Variants in RNF213 observed in about 807,000 individuals in gnomAD.
RNF213 encodes E3 ubiquitin-protein ligase RNF213.
In RNF213, 341 loss-of-function variants were observed where a neutral mutation model predicts 514.4. The observed-to-expected ratio is 0.66, with a 90% CI of 0.61 to 0.73. The LOEUF is 0.73. Among genes scored for constraint, RNF213 ranks in the 30% least tolerant of loss-of-function variants. RNF213 has a pLI of 0.00. For synonymous variants in RNF213, 2,655 were observed against 2,658.2 expected (o/e 1.00, Z 0.04); for missense variants, 5,767 against 6,615.6 (o/e 0.87, Z 4.45).
Position 80,374,557 on chromosome 17 carries a change from T to C in RNF213, c.13042T>C (p.Cys4348Arg). The change falls in exon 50 of 68, where the codon TGC (cysteine) becomes CGC (arginine). Residue 4348 changes from cysteine to arginine, a missense_variant. Physicochemically the swap from Cys to Arg is radical, Grantham distance 180. Around this residue, in one of 13 missense-constraint regions of RNF213, gnomAD observed 1,245 missense variants for 1,339.0 expected, o/e 0.93. Transcript: ENST00000582970. ...TGCTGTGGCCAAAGCTGTCCTCGAG[T>C]GCAAGCCACTGGGCATTAAGACTGC... ...RDAVAKAVLECKPLGIKTALK... is the reference protein window; with the variant it reads ...RDAVAKAVLERKPLGIKTALK... 1 of 1,614,144 alleles carries C rather than the reference T, an allele frequency of 6.2e-7. No individual in the cohort carries two copies. The highest frequency in any genetic ancestry group is 8.5e-7 in the Non-Finnish European group (1 of 1,180,032).
In RNF213 at chr17:80,345,751, C is replaced by A; in HGVS notation, c.7416C>A (p.Phe2472Leu). The A allele has an allele frequency of 6.2e-7, 1 of 1,614,210 alleles. No individual in the cohort carries two copies. Among genetic ancestry groups the A allele is most frequent in the Non-Finnish European group, 8.5e-7 (1 of 1,180,050 alleles). ...TCAGGGAGGCTGAAAATGTGGCCTT[C>A]GCCAATAAGGACCAACATCAGTTGG... is the stretch of plus-strand genomic sequence containing the variant. ...SRVREAENVA[F>L]ANKDQHQLDT... The change falls in exon 29 of 68, where the codon TTC (phenylalanine) becomes TTA (leucine). Residue 2472 changes from phenylalanine (F) to leucine (L), a missense_variant. By Grantham distance (22) the Phe-to-Leu change is conservative. This residue lies in a region of RNF213 where 1,377 missense variants were observed against 1,635.2 expected (regional missense o/e 0.84). Coordinates refer to ENST00000582970, the MANE Select transcript of RNF213 (RefSeq NM_001256071.3). This position sits in a 1 kb window ranked among gnomAD's most constrained non-coding sequence, Gnocchi z 6.0.
chr17:80,342,761 T>TTA lies in RNF213; in HGVS notation c.5990-359_5990-358dup, dbSNP rs1368850603. Among the ~76,000 whole-genome samples, 397 of 146,056 alleles carry TTA rather than the reference T, an allele frequency of 2.7e-3. 7 individuals carry two copies. The highest frequency in any genetic ancestry group is 0.022 in the Admixed American group (316 of 14,358). ...TATATATATTGTATGTATATATATA[T>TTA]TATATATATATATTTTTTGAGACAG... On this transcript the variant is annotated intron_variant, in intron 26 of 67. Transcript: ENST00000582970.
chr17:80,339,710 C>T lies in RNF213; in HGVS notation c.5343C>T (p.Ile1781=). The T allele has an allele frequency of 6.5e-7, 1 of 1,537,220 alleles. No homozygotes were observed. Among genetic ancestry groups the T allele is most frequent in the South Asian group, 1.2e-5 (1 of 84,054 alleles). The change falls in exon 26 of 68, where the codon ATC becomes ATT. Residue 1781 remains isoleucine (I), a synonymous_variant. Transcript: ENST00000582970. The stretch of plus-strand genomic sequence containing the variant: ...GCCTGGTGGACAAGCTGAGGATCAT[C>T]ATGGAGCAGTCCATGAGGTGCCTTC... ...EFSLVDKLRI[I]MEQSMRCLPA...
intron 17 of RNF213, chr17:80,319,942 C>T (rs2046083205): frequency 6.8e-6 from 7 of 1,030,592 alleles, no homozygotes; most frequent in Non-Finnish European, 5.8e-6. Flanking sequence ...CATTGAATTC[C>T]GGGGACCAAG....
chr17:80,374,926 A>G, intron 50 of RNF213: 1 of 345,746 alleles, frequency 2.9e-6, no homozygotes, highest in South Asian at 2.7e-5. Flanking sequence ...TGCTGACACA[A>G]CTATTAATAG....
chr17:80,290,471 A>G (rs959783326), intron 6 of RNF213, 99 bp from the exon 7 acceptor site: 164 of 1,419,684 alleles, frequency 1.2e-4, no homozygotes, highest in Non-Finnish European at 1.5e-4. Context: ...GTGTGTGTGC[A>G]CGTGTGTGTG....
chr17:80,265,827 T>C lies in RNF213; in HGVS notation c.97+2049T>C, dbSNP rs117302980. Reference sequence around the variant, plus strand: ...GTTCACACCTACAACCCCAGCATGTTTGCAGGCCAAGGTGGGAGGATCACT... The same window carrying C: ...GTTCACACCTACAACCCCAGCATGTCTGCAGGCCAAGGTGGGAGGATCACT... On this transcript the variant is annotated intron_variant, in intron 2 of 67. Transcript: ENST00000582970. 1.7e-4 allele frequency among the ~76,000 whole-genome samples: 26 copies of C among 152,242 alleles called. No individual in the cohort carries two copies. The East Asian group carries it at 4.8e-3, about 28-fold the overall frequency.
At position 80,319,267 on chromosome 17, in the gene RNF213, G is replaced by C; in HGVS notation, c.2979G>C (p.Lys993Asn). ...AAGGCTTAGAGGACAGTGTGGCCAA[G>C]ACCTTCGAGAAATGCATCATTGAAG... is the stretch of plus-strand genomic sequence containing the variant. ...DTKGLEDSVA[K>N]TFEKCIIEAV... The change falls in exon 17 of 68, where the codon AAG (lysine) becomes AAC (asparagine). Residue 993 changes from lysine to asparagine, a missense_variant. Coordinates refer to ENST00000582970, the MANE Select transcript of RNF213 (RefSeq NM_001256071.3). The C allele has an allele frequency of 5.0e-6, 8 of 1,614,186 alleles. No homozygotes were observed. Among genetic ancestry groups the C allele is most frequent in the Non-Finnish European group, 6.8e-6 (8 of 1,180,044 alleles).
In RNF213 at chr17:80,347,638, GC is replaced by G. The variant is rs2078357033; in HGVS notation, c.9304del (p.Leu3102PhefsTer47). On this transcript the variant is annotated frameshift_variant, in exon 29 of 68. Coordinates refer to ENST00000582970, the MANE Select transcript of RNF213 (RefSeq NM_001256071.3). LOFTEE classifies it high-confidence loss of function. The surrounding 1 kb of genome is among the most constrained non-coding windows in gnomAD (Gnocchi z 7.2). ...ICMETGKMVL[L>X]LNLQNLYESL... Reference sequence around the variant, plus strand: ...GCATGGAAACAGGCAAGATGGTGTTGCTTCTCAACCTGCAGAACCTCTACGA... The same window carrying G: ...GCATGGAAACAGGCAAGATGGTGTTGTTCTCAACCTGCAGAACCTCTACGA... 1 of 1,614,154 alleles carries G rather than the reference GC, an allele frequency of 6.2e-7. No homozygotes were observed. The highest frequency in any genetic ancestry group is 8.5e-7 in the Non-Finnish European group (1 of 1,180,032).
At chr17:80,360,724 C>T (rs2079023786) in intron 38 of RNF213, among the ~76,000 whole-genome samples, 1 of 152,224 alleles carries the variant, frequency 6.6e-6, no homozygotes, top group Non-Finnish European at 1.5e-5. Context: ...TGCCAGATGC[C>T]AGAAGATTTG....
rs372020320 is a variant in RNF213 at position 80,383,872 on chromosome 17, G to A, written c.14266G>A (p.Val4756Met). The A allele has an allele frequency of 6.2e-7, 1 of 1,614,200 alleles. No homozygotes were observed. The highest frequency in any genetic ancestry group is 8.5e-7 in the Non-Finnish European group (1 of 1,180,050). ...TACAGTTGAGTACCTCCAGCACATT[G>A]TGGAACAGAAAAATGGCAAAGAAAG... ...RITVEYLQHIVEQKNGKERVP... is the reference protein window; with the variant it reads ...RITVEYLQHIMEQKNGKERVP... Residue 4756 changes from valine to methionine, a missense_variant, in exon 59 of 68, where the codon GTG becomes ATG. By Grantham distance (21) the Val-to-Met change is conservative (BLOSUM62 1). Around this residue, in one of 13 missense-constraint regions of RNF213, gnomAD observed 1,245 missense variants for 1,339.0 expected, o/e 0.93. Coordinates refer to ENST00000582970, the MANE Select transcript of RNF213 (RefSeq NM_001256071.3).
At chr17:80,364,983 G>A in intron 42 of RNF213, 1 of 273,280 alleles carries the variant, frequency 3.7e-6, no homozygotes, top group Non-Finnish European at 7.3e-6. Context: ...AAACAGTGCT[G>A]TCAACAGAAC....
At position 80,346,021 on chromosome 17, in the gene RNF213, G is replaced by T; in HGVS notation, c.7686G>T (p.Arg2562Ser). 6.2e-7 allele frequency: 1 copy of T among 1,614,196 alleles called. No homozygotes were observed. Among genetic ancestry groups the T allele is most frequent in the South Asian group, 1.1e-5 (1 of 91,084 alleles). Residue 2562 changes from arginine to serine, a missense_variant, in exon 29 of 68, where the codon AGG (arginine) becomes AGT (serine). Arg to Ser is a moderately radical substitution (Grantham distance 110). This residue lies in a region of RNF213 where 1,377 missense variants were observed against 1,635.2 expected (regional missense o/e 0.84). Transcript: ENST00000582970. The surrounding 1 kb of genome is among the most constrained non-coding windows in gnomAD (Gnocchi z 8.1). Reference protein sequence around the residue: ...TADRLGSIPLRQLVYRVHALP... With the variant: ...TADRLGSIPLSQLVYRVHALP... ...ACAGGCTGGGCTCCATTCCTCTGAG[G>T]CAGCTGGTATACCGGGTCCATGCTC...
At chr17:80,372,776 C>T in intron 48 of RNF213, 42 bp downstream of exon 48, 1 of 1,585,052 alleles carries the variant, frequency 6.3e-7, no homozygotes, top group Non-Finnish European at 8.6e-7. Flanking sequence ...TTTAAAGACT[C>T]CGTTATTTAG....
In RNF213 at chr17:80,367,768, C is replaced by A. The variant is rs146256408; in HGVS notation, c.11892C>A (p.Asp3964Glu). Residue 3964 changes from aspartate to glutamate, a missense_variant, in exon 43 of 68, where the codon GAC (aspartate) becomes GAA (glutamate). Transcript: ENST00000582970. ...LLDKCLRENS[D>E]VKTHGPFEAV... ...TTCAGTGTCTTCGAGAGAACTCTGA[C>A]GTGAAGACGCACGGGCCTTTTGAGG... 4 of 1,614,158 alleles carry A rather than the reference C, an allele frequency of 2.5e-6. No homozygotes were observed. Among genetic ancestry groups the A allele is most frequent in the African/African-American group, 1.3e-5 (1 of 75,062 alleles).
intron 3 of RNF213, among the ~76,000 whole-genome samples, chr17:80,283,599 A>G (rs1406399209): frequency 6.6e-6 from 1 of 151,560 alleles, no homozygotes; most frequent in African/African-American, 2.4e-5. Flanking sequence ...CTGGCTGGCC[A>G]CTCCCCTCCT....
intron 17 of RNF213, chr17:80,319,883 G>C (rs1048567937): frequency 1.8e-6 from 2 of 1,109,628 alleles, no homozygotes; most frequent in African/African-American, 3.3e-5. Flanking sequence ...CTTAACCCCT[G>C]TACAAGCACA....
In RNF213 at chr17:80,288,448, C is replaced by CTGGCTGCAAGGTGCTCGGCGT; in HGVS notation, c.810+87_810+88insGCTGCAAGGTGCTCGGCGTTG. On this transcript the variant is annotated intron_variant, in intron 4 of 67. Transcript: ENST00000582970. The surrounding 1 kb of genome is among the most constrained non-coding windows in gnomAD (Gnocchi z 4.9). Reference sequence around the variant, plus strand: ...GCTGCAAGGTGCTGGCGTTGCTTCCCTGCCGGGGGGAGGGGCGTCCTCTGG... The same window carrying CTGGCTGCAAGGTGCTCGGCGT: ...GCTGCAAGGTGCTGGCGTTGCTTCCCTGGCTGCAAGGTGCTCGGCGTTGCCGGGGGGAGGGGCGTCCTCTGG... The CTGGCTGCAAGGTGCTCGGCGT allele has an allele frequency of 1.2e-6, 2 of 1,600,144 alleles. No individual in the cohort carries two copies.
intron 15 of RNF213, among the ~76,000 whole-genome samples, chr17:80,313,617 A>G (rs1296458892): frequency 0.018 from 561 of 30,588 alleles, no homozygotes; most frequent in South Asian, 0.033. Flanking sequence ...GGTGATGGTG[A>G]TTGTGGTGGA....
Sources: gnomAD v4.1 joint callset for allele counts (sites outside exome capture counted in the v4.1 genomes callset) on GRCh38, gnomAD v4.1.1 for gene constraint, gnomAD v4.1.1 regional missense constraint, Gnocchi (gnomAD v3.1) non-coding constraint, MANE v1.5 for transcripts, NCBI Gene and HGNC (gene_info 2026-07-23, HGNC 2026-07-21) for gene names.